The following CFAP95 variants were observed in gnomAD, a reference collection of about 807,000 sequenced individuals.
CFAP95 encodes cilia- and flagella-associated protein 95.
At chr9:69,890,017 A>G in the CFAP95 span, among the ~76,000 whole-genome samples, 2 of 152,120 alleles carry the variant, frequency 1.3e-5, no homozygotes, top group Non-Finnish European at 2.9e-5. Flanking sequence ...TCATCTTTAC[A>G]CTTTTTAGAA....
the CFAP95 span, among the ~76,000 whole-genome samples, chr9:69,829,271 G>T: frequency 6.6e-6 from 1 of 152,126 alleles, no homozygotes; most frequent in Admixed American, 6.5e-5. Context: ...AGGAGACTCA[G>T]CCTCCTTTTG....
At chr9:69,858,041 A>G in the CFAP95 span, 8 of 1,500,722 alleles carry the variant, frequency 5.3e-6, no homozygotes, top group South Asian at 1.1e-5. Flanking sequence ...GTTTGTTTGC[A>G]GGGGCAAAGG....
At chr9:69,851,984 A>G in the CFAP95 span, among the ~76,000 whole-genome samples, 1 of 152,088 alleles carries the variant, frequency 6.6e-6, no homozygotes, top group African/African-American at 2.4e-5. Flanking sequence ...TATGAGTCTC[A>G]GTTGTTCAAA....
chr9:69,898,469 C>T, the CFAP95 span, among the ~76,000 whole-genome samples: 1 of 152,148 alleles, frequency 6.6e-6, no homozygotes, highest in Non-Finnish European at 1.5e-5. Flanking sequence ...TTCGAACTTA[C>T]AGGAAAGTTT....
chr9:69,905,962 C>CCT, the CFAP95 span: 55 of 1,602,244 alleles, frequency 3.4e-5, no homozygotes, highest in Non-Finnish European at 4.5e-5. Flanking sequence ...AGGCTTATCC[C>CCT]TGTCAAGATG....
At chr9:69,873,947 C>G in the CFAP95 span, among the ~76,000 whole-genome samples, 1 of 152,132 alleles carries the variant, frequency 6.6e-6, no homozygotes, top group Non-Finnish European at 1.5e-5. Context: ...TATCAGACAC[C>G]TTTTCCTTTC....
the CFAP95 span, among the ~76,000 whole-genome samples, chr9:69,831,317 T>G: frequency 1.3e-5 from 2 of 152,204 alleles, no homozygotes; most frequent in Admixed American, 1.3e-4. Flanking sequence ...TTGTCACAAT[T>G]TTTTAAACAT....
At chr9:69,846,963 C>A in the CFAP95 span, among the ~76,000 whole-genome samples, 1 of 152,078 alleles carries the variant, frequency 6.6e-6, no homozygotes, top group Non-Finnish European at 1.5e-5. Context: ...TCTCTTTCTC[C>A]AGTTGAGAGA....
chr9:69,827,595 G>A, the CFAP95 span, among the ~76,000 whole-genome samples: 6 of 152,158 alleles, frequency 3.9e-5, no homozygotes, highest in Non-Finnish European at 7.4e-5. Context: ...ATTTTGGTGG[G>A]GGTGGAGGAG....
At chr9:69,862,841 A>T in the CFAP95 span, among the ~76,000 whole-genome samples, 1 of 152,180 alleles carries the variant, frequency 6.6e-6, no homozygotes, top group Non-Finnish European at 1.5e-5. Context: ...ACCAATGTGA[A>T]GAAGACATAA....
At chr9:69,887,261 G>T in the CFAP95 span, among the ~76,000 whole-genome samples, 2 of 152,142 alleles carry the variant, frequency 1.3e-5, no homozygotes. Flanking sequence ...TGGGAAATAT[G>T]TATGTTAATT....
the CFAP95 span, among the ~76,000 whole-genome samples, chr9:69,822,492 CT>C: frequency 3.3e-5 from 5 of 152,238 alleles, no homozygotes; most frequent in Non-Finnish European, 7.3e-5. Flanking sequence ...AGAACATCCT[CT>C]TTTAGCCTCA....
chr9:69,889,766 TA>T, the CFAP95 span, among the ~76,000 whole-genome samples: 19 of 152,260 alleles, frequency 1.2e-4, no homozygotes, highest in East Asian at 2.5e-3. Context: ...ACATTAGAAG[TA>T]GCATTAATCA....
the CFAP95 span, among the ~76,000 whole-genome samples, chr9:69,855,007 G>T: frequency 1.3e-5 from 2 of 152,264 alleles, no homozygotes; most frequent in African/African-American, 4.8e-5. Flanking sequence ...TTTTCTTAAT[G>T]GTTCCCACAC....
the CFAP95 span, chr9:69,856,609 T>C: frequency 1.2e-6 from 2 of 1,612,372 alleles, no homozygotes; most frequent in Non-Finnish European, 1.7e-6. Flanking sequence ...AAACACAGAA[T>C]GGGTTGAAAT....
chr9:69,834,750 T>C, the CFAP95 span, among the ~76,000 whole-genome samples: 1 of 152,240 alleles, frequency 6.6e-6, no homozygotes, highest in South Asian at 2.1e-4. Context: ...TGGTTTCCTT[T>C]TGAGTGCAGT....
At chr9:69,828,387 T>A in the CFAP95 span, among the ~76,000 whole-genome samples, 1 of 152,248 alleles carries the variant, frequency 6.6e-6, no homozygotes, top group African/African-American at 2.4e-5. Flanking sequence ...GTTAAAAATA[T>A]GTGTCTAGGT....
chr9:69,858,493 G>A, the CFAP95 span, among the ~76,000 whole-genome samples: 62 of 152,242 alleles, frequency 4.1e-4, no homozygotes, highest in Admixed American at 2.1e-3. Flanking sequence ...AAGTGCTGCC[G>A]TGTTCCTTAG....
At chr9:69,864,420 C>T in the CFAP95 span, among the ~76,000 whole-genome samples, 3 of 151,982 alleles carry the variant, frequency 2.0e-5, no homozygotes. Context: ...TCTAGGCCTG[C>T]AATAAACCTG....
Sources: allele counts gnomAD v4.1 joint callset (sites outside exome capture counted in the v4.1 genomes callset), GRCh38; gene constraint gnomAD v4.1.1; transcripts MANE v1.5; gene names NCBI Gene and HGNC (gene_info 2026-07-23, HGNC 2026-07-21).